The following MAGI2 variants were observed in gnomAD, a reference collection of about 807,000 sequenced individuals.
MAGI2 encodes membrane-associated guanylate kinase, WW and PDZ domain-containing protein 2.
MAGI2 carries 35 observed loss-of-function variants against 133.3 expected under a neutral mutation model. The ratio of observed to expected loss-of-function variants is 0.26; its 90% CI spans 0.20 to 0.35. The LOEUF is 0.35. MAGI2 is among the 10% of genes least tolerant of loss of function. MAGI2 has a pLI of 1.00. For missense variants in MAGI2, 1,636 were observed against 1,863.4 expected (o/e 0.88, Z 2.25); for synonymous variants, 729 against 710.6 (o/e 1.03, Z -0.41).
chr7:79,150,697 C>A (rs1823130438), intron 1 of MAGI2, among the ~76,000 whole-genome samples: 1 of 151,274 alleles, frequency 6.6e-6, no homozygotes, highest in South Asian at 2.1e-4. Flanking sequence ...TCAGGTGGGC[C>A]ATAATTCAAT....
intron 1 of MAGI2, among the ~76,000 whole-genome samples, chr7:79,122,982 G>A (rs746955207): frequency 7.2e-5 from 11 of 152,146 alleles, no homozygotes; most frequent in Admixed American, 1.3e-4. Context: ...AGAGATAGGA[G>A]AGAGAATAGA....
intron 9 of MAGI2, among the ~76,000 whole-genome samples, chr7:78,297,986 T>TAAA (rs60034232): frequency 0.054 from 7,978 of 148,164 alleles, 294 homozygotes; most frequent in South Asian, 0.12. Flanking sequence ...AAAGTATAAT[T>TAAA]AAAAAAAAAG....
intron 2 of MAGI2, chr7:78,902,477 A>T (rs1396317806): frequency 1.3e-5 from 2 of 152,220 alleles, no homozygotes; most frequent in African/African-American, 2.4e-5. Flanking sequence ...AATTTGTCTC[A>T]AATCAAATAT....
intron 1 of MAGI2, among the ~76,000 whole-genome samples, chr7:79,339,378 A>G (rs1209938300): frequency 6.6e-6 from 1 of 151,912 alleles, no homozygotes; most frequent in African/African-American, 2.4e-5. Flanking sequence ...CTTTGACTCC[A>G]CACTGTTACA....
chr7:78,742,531 G>C (rs1822531593), intron 2 of MAGI2, among the ~76,000 whole-genome samples: 2 of 152,260 alleles, frequency 1.3e-5, no homozygotes, highest in Middle Eastern at 3.4e-3. Context: ...GTAAAATTTA[G>C]TAATTTCCCT....
chr7:78,574,511 A>G (rs1802062759), intron 3 of MAGI2, among the ~76,000 whole-genome samples: 2 of 152,234 alleles, frequency 1.3e-5, no homozygotes, highest in Admixed American at 1.3e-4. Context: ...CAAGACTTCT[A>G]TAATTTTAGA....
intron 3 of MAGI2, among the ~76,000 whole-genome samples, chr7:78,534,440 T>C (rs1258486573): frequency 1.3e-5 from 2 of 152,206 alleles, no homozygotes; most frequent in African/African-American, 4.8e-5. Flanking sequence ...CTAAACTATA[T>C]GGAAATGTAT....
intron 9 of MAGI2, among the ~76,000 whole-genome samples, chr7:78,288,398 G>C (rs986045767): frequency 2.6e-5 from 4 of 152,150 alleles, no homozygotes; most frequent in African/African-American, 7.2e-5. Context: ...ATCATGTACT[G>C]TTTAACTTCT....
intron 1 of MAGI2, among the ~76,000 whole-genome samples, chr7:79,036,060 A>G (rs1054387389): frequency 2.6e-4 from 39 of 152,240 alleles, no homozygotes; most frequent in Admixed American, 1.2e-3. Context: ...GTGAGGAGTC[A>G]GCAAATAAAT....
intron 12 of MAGI2, 97 bp from the exon 13 acceptor site, chr7:78,185,767 C>T: frequency 3.4e-6 from 3 of 872,964 alleles, no homozygotes; most frequent in Non-Finnish European, 5.4e-6. Flanking sequence ...CTCCCCCAAC[C>T]ACAATCTCAT....
chr7:79,417,204 T>A (rs553028462), intron 1 of MAGI2, among the ~76,000 whole-genome samples: 1 of 152,282 alleles, frequency 6.6e-6, no homozygotes, highest in South Asian at 2.1e-4. Flanking sequence ...ATAAACACAT[T>A]ATATCTAATT....
intron 21 of MAGI2, among the ~76,000 whole-genome samples, chr7:78,038,469 A>G (rs1810467986): frequency 6.6e-6 from 1 of 152,194 alleles, no homozygotes; most frequent in Non-Finnish European, 1.5e-5. Context: ...TAAGGCTATC[A>G]CATGCTTTGT....
intron 2 of MAGI2, among the ~76,000 whole-genome samples, chr7:78,921,824 G>T (rs1212684283): frequency 6.6e-6 from 1 of 152,016 alleles, no homozygotes; most frequent in African/African-American, 2.4e-5. Flanking sequence ...ATTGGAGACA[G>T]GTTTCGCCAT....
At chr7:78,291,286 A>G (rs1212808793) in intron 9 of MAGI2, among the ~76,000 whole-genome samples, 1 of 152,222 alleles carries the variant, frequency 6.6e-6, no homozygotes, top group African/African-American at 2.4e-5. Flanking sequence ...AACTACCATC[A>G]CAGAATACTA....
At chr7:79,234,295 G>A (rs1831669730) in intron 1 of MAGI2, among the ~76,000 whole-genome samples, 1 of 149,920 alleles carries the variant, frequency 6.7e-6, no homozygotes, top group Non-Finnish European at 1.5e-5. Flanking sequence ...TTCTCGAGGA[G>A]TATCTTTGTG....
intron 12 of MAGI2, among the ~76,000 whole-genome samples, chr7:78,187,779 C>T (rs932243098): frequency 1.1e-4 from 16 of 152,112 alleles, no homozygotes; most frequent in South Asian, 4.1e-4. Flanking sequence ...ACCTTCGAAA[C>T]GCTTCCATTA....
At chr7:78,286,767 G>A (rs921629295) in intron 9 of MAGI2, among the ~76,000 whole-genome samples, 2 of 152,152 alleles carry the variant, frequency 1.3e-5, no homozygotes, top group African/African-American at 4.8e-5. Context: ...CTGAAGGAGA[G>A]GAGGAAGGCT....
chr7:78,164,321 T>C (rs1825406880), intron 15 of MAGI2, among the ~76,000 whole-genome samples: 1 of 152,218 alleles, frequency 6.6e-6, no homozygotes, highest in South Asian at 2.1e-4. Flanking sequence ...CCTTGAAGCA[T>C]GGCTGAGGCA....
At chr7:78,709,672 T>A (rs1391739837) in intron 2 of MAGI2, among the ~76,000 whole-genome samples, 1 of 152,236 alleles carries the variant, frequency 6.6e-6, no homozygotes, top group East Asian at 1.9e-4. Flanking sequence ...AAATAGGCCC[T>A]GAAGATGGCT....
Sources: gnomAD v4.1 joint callset for allele counts (sites outside exome capture counted in the v4.1 genomes callset) on GRCh38, gnomAD v4.1.1 for gene constraint, MANE v1.5 for transcripts, NCBI Gene and HGNC (gene_info 2026-07-23, HGNC 2026-07-21) for gene names.